Variants in WBP2NL observed in about 807,000 individuals in gnomAD.
The protein encoded by WBP2NL is postacrosomal sheath WW domain-binding protein.
Under a neutral mutation model 23.3 loss-of-function variants are expected in WBP2NL, and 27 were observed. The observed-to-expected ratio is 1.16, with a 90% CI of 0.85 to 1.60. The LOEUF (loss-of-function observed/expected upper bound fraction) is 1.60. Among genes scored for constraint, WBP2NL ranks in the 40% most tolerant of loss-of-function variants. The pLI, the probability that WBP2NL is intolerant of heterozygous loss-of-function variation, is 0.00. For synonymous variants in WBP2NL, 151 were observed against 145.9 expected (o/e 1.03, Z -0.25); for missense variants, 370 against 389.5 (o/e 0.95, Z 0.42).
rs1868439914 is a variant in WBP2NL at position 42,019,809 on chromosome 22, TGTTCCCTCAGAA to T, written c.313+9_313+20del. On this transcript the variant is annotated splice_region_variant and intron_variant, in intron 3 of 5. Coordinates refer to ENST00000328823, the MANE Select transcript of WBP2NL (RefSeq NM_152613.3). ...TATTCAGGCAGCTCCATATGGTAAG[TGTTCCCTCAGAA>T]GTGTGTATTTTTTTTTCCCTCAAAA... The T allele has an allele frequency of 1.2e-6, 2 of 1,613,952 alleles. No homozygotes were observed. The highest frequency in any genetic ancestry group is 3.3e-5 in the Admixed American group (2 of 59,978).
At chr22:42,002,398 C>T (rs1411708123) in intron 1 of WBP2NL, among the ~76,000 whole-genome samples, 1 of 152,020 alleles carries the variant, frequency 6.6e-6, no homozygotes, top group Non-Finnish European at 1.5e-5. Flanking sequence ...GCCTGGCCAA[C>T]ATGGTGAAAC....
downstream of WBP2NL, among the ~76,000 whole-genome samples, chr22:42,033,094 G>C (rs1267833765): frequency 6.6e-6 from 1 of 152,140 alleles, no homozygotes; most frequent in Non-Finnish European, 1.5e-5. Context: ...TGCCTGCCAA[G>C]GGAGATTGCA....
intron 1 of WBP2NL, among the ~76,000 whole-genome samples, 199 bp from the exon 2 acceptor site, chr22:42,019,112 T>C (rs1026829927): frequency 6.6e-6 from 1 of 151,752 alleles, no homozygotes; most frequent in Non-Finnish European, 1.5e-5. Flanking sequence ...TCCCAGCTAT[T>C]TGGGAGGCTG....
At chr22:42,026,572 G>T (rs544486589) in intron 5 of WBP2NL, among the ~76,000 whole-genome samples, 194 bp from the exon 6 acceptor site, 2 of 152,206 alleles carry the variant, frequency 1.3e-5, no homozygotes, top group East Asian at 3.9e-4. Flanking sequence ...TTTTCATGTT[G>T]ATTTGAATCC....
At chr22:42,000,244 C>G (rs1921493228) in intron 1 of WBP2NL, among the ~76,000 whole-genome samples, 1 of 152,112 alleles carries the variant, frequency 6.6e-6, no homozygotes, top group South Asian at 2.1e-4. Flanking sequence ...AGAAAGTTTT[C>G]TTGACAGATT....
downstream of WBP2NL, among the ~76,000 whole-genome samples, chr22:42,036,298 C>T (rs1925179225): frequency 6.6e-6 from 1 of 152,118 alleles, no homozygotes. Context: ...CCTCAGCCTC[C>T]CGAGCAGCTG....
chr22:42,055,940 TAAAC>T (rs1345439856), intron 8 of WBP2NL, among the ~76,000 whole-genome samples: 1 of 152,196 alleles, frequency 6.6e-6, no homozygotes, highest in Non-Finnish European at 1.5e-5. Flanking sequence ...AAGTGTCTCT[TAAAC>T]AAAGCACATT....
intron 1 of WBP2NL, among the ~76,000 whole-genome samples, chr22:42,000,020 C>T (rs1000503978): frequency 3.9e-5 from 6 of 152,170 alleles, no homozygotes; most frequent in Admixed American, 6.5e-5. Context: ...CACTCAAACT[C>T]AGTCTCCCCC....
intron 8 of WBP2NL, among the ~76,000 whole-genome samples, chr22:42,038,180 A>G (rs1925261615): frequency 6.6e-6 from 1 of 152,228 alleles, no homozygotes; most frequent in African/African-American, 2.4e-5. Context: ...AGTCTTTATC[A>G]TGAAAGGATG....
At position 42,026,738 on chromosome 22, in the gene WBP2NL, A is replaced by AT. The variant is rs760583525; in HGVS notation, c.515-21dup. 4 of 1,600,034 alleles carry AT rather than the reference A, an allele frequency of 2.5e-6. No homozygotes were observed. The South Asian group carries it at 4.4e-5, about 18-fold the overall frequency. The stretch of plus-strand genomic sequence containing the variant: ...TATTCCTTGACTTAAAGGTAACTGA[A>AT]TTTTTTTCCTTCCATTATAATTCCC... On this transcript the variant is annotated intron_variant, in intron 5 of 5. Coordinates refer to ENST00000328823, the MANE Select transcript of WBP2NL (RefSeq NM_152613.3).
At chr22:42,008,541 G>C (rs140824160) in intron 1 of WBP2NL, among the ~76,000 whole-genome samples, 9 of 151,980 alleles carry the variant, frequency 5.9e-5, no homozygotes, top group African/African-American at 2.2e-4. Flanking sequence ...ATCCTAATGG[G>C]TATAAAGTGA....
At chr22:42,055,060 G>A (rs1925981410) in intron 8 of WBP2NL, among the ~76,000 whole-genome samples, 1 of 151,922 alleles carries the variant, frequency 6.6e-6, no homozygotes. Context: ...TTTTTCTTGA[G>A]ATGGAGTTTT....
rs759808450 is a variant in WBP2NL, at chr22:42,022,254, C to T, written c.412C>T (p.Arg138Ter). 13 of 1,613,950 alleles carry T rather than the reference C, an allele frequency of 8.1e-6. No individual in the cohort carries two copies. Among genetic ancestry groups the T allele is most frequent in the South Asian group, 4.4e-5 (4 of 91,086 alleles). Residue 138 changes from arginine (R) to a stop codon, truncating the protein, a stop_gained, in exon 5 of 6, where the codon CGA becomes TGA. Coordinates refer to ENST00000328823, the MANE Select transcript of WBP2NL (RefSeq NM_152613.3). LOFTEE classifies it high-confidence loss of function. ...LMVKAASAAA[R>*]GFPLRTLNDW... The stretch of plus-strand genomic sequence containing the variant: ...TGCCAAATTTGTCTTTCCAGCTGCC[C>T]GAGGATTTCCACTTAGAACCTTAAA...
chr22:42,042,083 T>C (rs957105318), intron 8 of WBP2NL, among the ~76,000 whole-genome samples: 3 of 152,246 alleles, frequency 2.0e-5, no homozygotes, highest in Non-Finnish European at 4.4e-5. Context: ...GTTGCTTTTT[T>C]CTTGCATCTT....
chr22:42,008,671 G>C (rs995916841), intron 1 of WBP2NL, among the ~76,000 whole-genome samples: 1 of 152,052 alleles, frequency 6.6e-6, no homozygotes, highest in African/African-American at 2.4e-5. Flanking sequence ...GCAATGGTGC[G>C]ATCTCAGCTC....
chr22:42,039,982 G>C (rs146777464), intron 8 of WBP2NL, among the ~76,000 whole-genome samples: 3,194 of 150,844 alleles, frequency 0.021, 53 homozygotes, highest in Non-Finnish European at 0.033. Context: ...CTCAACCTCA[G>C]CTCACTGCAA....
intron 1 of WBP2NL, among the ~76,000 whole-genome samples, chr22:42,004,497 G>A (rs1295246745): frequency 6.6e-6 from 1 of 152,146 alleles, no homozygotes; most frequent in African/African-American, 2.4e-5. Flanking sequence ...GGGAGGCTGA[G>A]GTGGGAGAAT....
intron 8 of WBP2NL, among the ~76,000 whole-genome samples, chr22:42,053,470 C>CTT (rs113587314): frequency 6.9e-6 from 1 of 144,414 alleles, no homozygotes; most frequent in African/African-American, 2.6e-5. Flanking sequence ...TTTTCTTTTT[C>CTT]TTTTTTTTTT....
chr22:42,003,753 T>C (rs775027958), intron 1 of WBP2NL, among the ~76,000 whole-genome samples: 26 of 152,188 alleles, frequency 1.7e-4, no homozygotes, highest in Non-Finnish European at 3.2e-4. Flanking sequence ...TAACTTGTTA[T>C]AACATGACTG....
Sources: allele counts gnomAD v4.1 joint callset (sites outside exome capture counted in the v4.1 genomes callset), GRCh38; gene constraint gnomAD v4.1.1; transcripts MANE v1.5; gene names NCBI Gene and HGNC (gene_info 2026-07-23, HGNC 2026-07-21).